The following ERGIC2 variants were observed in gnomAD, a reference collection of about 807,000 sequenced individuals.
ERGIC2 encodes the protein ERGIC and golgi 2.
A neutral mutation model predicts 52.5 loss-of-function variants in ERGIC2; 31 were observed. The observed-to-expected ratio is 0.59, with a 90% CI of 0.44 to 0.80. ERGIC2 has a LOEUF of 0.80. ERGIC2 is among the 30% of genes least tolerant of loss of function. The probability of loss-of-function intolerance (pLI) is 0.00; values close to 1 mark genes in which losing one functional copy is unlikely to be tolerated. For synonymous variants in ERGIC2, 129 were observed against 140.6 expected (o/e 0.92, Z 0.58); for missense variants, 395 against 455.2 (o/e 0.87, Z 1.20).
chr12:29,349,936 C>T (rs1940108553), intron 9 of ERGIC2, 77 bp downstream of exon 9: 2 of 859,066 alleles, frequency 2.3e-6, no homozygotes, highest in Non-Finnish European at 3.7e-6. Flanking sequence ...TCACTTTCAA[C>T]TACACTATAT....
rs1245807938 is a variant in ERGIC2 at position 29,339,815 on chromosome 12, C to A, written c.*1341G>T. 1.3e-5 allele frequency: 2 copies of A among 152,098 alleles called. No individual in the cohort carries two copies. The highest frequency in any genetic ancestry group is 4.8e-5 in the African/African-American group (2 of 41,426). 9.4% of individuals were successfully genotyped at this position (152,098 alleles called of 1,614,324 possible). A position where few individuals can be genotyped will look rare whatever the true frequency, so the allele number is the denominator to read the frequency against. ...TGTGATATCCTGTTTTCTAAAACCA[C>A]TATTTTAAATCTAGTTTTTCAGTCT... On this transcript the variant is annotated 3_prime_UTR_variant, in exon 14 of 14. Coordinates refer to ENST00000360150, the MANE Select transcript of ERGIC2 (RefSeq NM_016570.3).
intron 4 of ERGIC2, among the ~76,000 whole-genome samples, chr12:29,367,949 C>CA (rs1340698990): frequency 6.6e-6 from 1 of 151,470 alleles, no homozygotes; most frequent in Non-Finnish European, 1.5e-5. Context: ...GTACTCCAAA[C>CA]AAAAAAAGAC....
At chr12:29,352,298 G>C (rs181316126) in intron 8 of ERGIC2, among the ~76,000 whole-genome samples, 1 of 152,048 alleles carries the variant, frequency 6.6e-6, no homozygotes, top group Non-Finnish European at 1.5e-5. Context: ...TTTTGGACAC[G>C]AATTTAAATT....
intron 10 of ERGIC2, among the ~76,000 whole-genome samples, chr12:29,347,889 A>T (rs1173603283): frequency 2.0e-5 from 3 of 152,196 alleles, no homozygotes; most frequent in Admixed American, 6.5e-5. Context: ...TTTATAAAGA[A>T]GTACACTTAA....
At chr12:29,341,348 T>C (rs1008034612) in intron 13 of ERGIC2, 130 bp from the exon 14 acceptor site, 23 of 707,314 alleles carry the variant, frequency 3.3e-5, no homozygotes, top group Middle Eastern at 3.0e-4. Context: ...TCTCTCTCTC[T>C]CCCCCTATTT....
intron 8 of ERGIC2, among the ~76,000 whole-genome samples, chr12:29,355,325 A>C (rs1361418048): frequency 6.6e-6 from 1 of 152,214 alleles, no homozygotes; most frequent in African/African-American, 2.4e-5. Context: ...TATTTAAAAT[A>C]ACAAGTCATA....
rs1162715515 is a variant in ERGIC2 at position 29,339,866 on chromosome 12, C to T, written c.*1290G>A. The T allele has an allele frequency of 6.6e-6, 1 of 151,884 alleles. No individual in the cohort carries two copies. Among genetic ancestry groups the T allele is most frequent in the Non-Finnish European group, 1.5e-5 (1 of 67,926 alleles). 9.4% of individuals were successfully genotyped at this position (151,884 alleles called of 1,614,324 possible). A position where few individuals can be genotyped will look rare whatever the true frequency, so the allele number is the denominator to read the frequency against. Reference sequence around the variant, plus strand: ...TGTTATTTACCTGGAATTTTGTTTCCCCATTTCCTTAAATGATTTAAACTT... The same window carrying T: ...TGTTATTTACCTGGAATTTTGTTTCTCCATTTCCTTAAATGATTTAAACTT... On this transcript the variant is annotated 3_prime_UTR_variant, in exon 14 of 14. Transcript: ENST00000360150.
intron 2 of ERGIC2, among the ~76,000 whole-genome samples, chr12:29,370,602 T>C (rs1940428093): frequency 6.6e-6 from 1 of 152,024 alleles, no homozygotes; most frequent in African/African-American, 2.4e-5. Context: ...TTGAAAACAG[T>C]TGCTTCATTA....
intron 9 of ERGIC2, 59 bp downstream of exon 9, chr12:29,349,954 T>G: frequency 9.0e-7 from 1 of 1,116,442 alleles, no homozygotes; most frequent in Non-Finnish European, 1.3e-6. Context: ...TATCTGCACT[T>G]TTAAAAATAA....
intron 1 of ERGIC2, among the ~76,000 whole-genome samples, chr12:29,374,999 GC>G (rs1940495859): frequency 6.6e-6 from 1 of 152,072 alleles, no homozygotes; most frequent in Non-Finnish European, 1.5e-5. Context: ...ACCAGGTCCT[GC>G]TAACCTCTCT....
At chr12:29,357,493 T>C (rs1459458636) in intron 7 of ERGIC2, 130 bp downstream of exon 7, 9 of 597,700 alleles carry the variant, frequency 1.5e-5, no homozygotes, top group East Asian at 1.1e-4. Flanking sequence ...GGCGTCTTTA[T>C]AGTACAGAAT....
At position 29,370,237 on chromosome 12, in the gene ERGIC2, A is replaced by T. The variant is rs1188608034; in HGVS notation, c.107-15T>A. The T allele has an allele frequency of 6.5e-7, 1 of 1,530,494 alleles. No individual in the cohort carries two copies. The highest frequency in any genetic ancestry group is 8.7e-7 in the Non-Finnish European group (1 of 1,151,606). The allele number at this position is 1,530,494 out of a possible 1,614,324, so 94.8% of individuals were successfully genotyped here. A position where few individuals can be genotyped will look rare whatever the true frequency, so the allele number is the denominator to read the frequency against. On this transcript the variant is annotated splice_polypyrimidine_tract_variant and intron_variant, in intron 2 of 13. Transcript: ENST00000360150. ...TATTAGAGAAACTGGGAAATCCAAC[A>T]ACAAAAGAAAAACAGAATTAAAACA...
intron 1 of ERGIC2, among the ~76,000 whole-genome samples, chr12:29,380,322 T>C (rs912305058): frequency 6.6e-6 from 1 of 152,080 alleles, no homozygotes; most frequent in Non-Finnish European, 1.5e-5. Flanking sequence ...CAACTTCAAA[T>C]GAATAAATCC....
intron 8 of ERGIC2, among the ~76,000 whole-genome samples, chr12:29,352,886 T>C (rs1037624253): frequency 1.3e-5 from 2 of 152,124 alleles, no homozygotes; most frequent in Non-Finnish European, 2.9e-5. Flanking sequence ...CTGTTCCTGG[T>C]TAAAAAAAAT....
In ERGIC2 at chr12:29,349,081, T is replaced by G; in HGVS notation, c.725A>C (p.Asp242Ala). ...AACAATAATTATTAAATACTTACGA[T>G]CTATAGCAATTTTTTCAGTTCCATC... Reference protein sequence around the residue: ...PLDGTEKIAIDHNQMFQYFIT... With the variant: ...PLDGTEKIAIAHNQMFQYFIT... Residue 242 changes from aspartate (D) to alanine (A), a missense_variant and splice_region_variant, in exon 10 of 14, where the codon GAT (aspartate) becomes GCT (alanine). Asp to Ala is a moderately radical substitution (Grantham distance 126). Transcript: ENST00000360150. 1 of 1,478,662 alleles carries G rather than the reference T, an allele frequency of 6.8e-7. No individual in the cohort carries two copies. Among genetic ancestry groups the G allele is most frequent in the South Asian group, 1.3e-5 (1 of 79,884 alleles). The allele number at this position is 1,478,662 out of a possible 1,614,324, so 91.6% of individuals were successfully genotyped here. A position where few individuals can be genotyped will look rare whatever the true frequency, so the allele number is the denominator to read the frequency against.
intron 7 of ERGIC2, among the ~76,000 whole-genome samples, chr12:29,356,702 T>C (rs1390186118): frequency 2.0e-5 from 3 of 152,116 alleles, no homozygotes; most frequent in Admixed American, 6.5e-5. Flanking sequence ...AAATTTGAAA[T>C]TCCATGGTTC....
At chr12:29,359,774 G>C (rs143000975) in intron 6 of ERGIC2, among the ~76,000 whole-genome samples, 5 of 151,758 alleles carry the variant, frequency 3.3e-5, no homozygotes, top group African/African-American at 9.7e-5. Flanking sequence ...AAAAAAAAAC[G>C]GGTAAAGAAA....
intron 1 of ERGIC2, among the ~76,000 whole-genome samples, chr12:29,377,107 T>C (rs1463775734): frequency 2.0e-5 from 3 of 152,190 alleles, no homozygotes; most frequent in Non-Finnish European, 2.9e-5. Flanking sequence ...TTTCTTGTAT[T>C]GGTCCACAAA....
At chr12:29,364,095 A>G (rs191682401) in intron 5 of ERGIC2, among the ~76,000 whole-genome samples, 116 of 152,288 alleles carry the variant, frequency 7.6e-4, no homozygotes, top group Admixed American at 2.8e-3. Flanking sequence ...GAAAGAGCAC[A>G]AAATAAGTTT....
Sources: gnomAD v4.1 joint callset for allele counts (sites outside exome capture counted in the v4.1 genomes callset) on GRCh38, gnomAD v4.1.1 for gene constraint, MANE v1.5 for transcripts, NCBI Gene and HGNC (gene_info 2026-07-23, HGNC 2026-07-21) for gene names.